The following NR5A2 variants were observed in gnomAD, a reference collection of about 807,000 sequenced individuals.
NR5A2 encodes the protein CYP7A promoter-binding factor.
In NR5A2, 26 loss-of-function variants were observed where a neutral mutation model predicts 62.7. That is an observed-to-expected ratio of 0.41 (90% CI 0.30 to 0.58). The LOEUF is 0.58. Among genes scored for constraint, NR5A2 ranks in the 20% least tolerant of loss-of-function variants. The pLI is 0.22. For synonymous variants in NR5A2, 246 were observed against 241.7 expected (o/e 1.02, Z -0.16); for missense variants, 541 against 669.1 (o/e 0.81, Z 2.11).
chr1:200,073,556 G>A (rs1663853534), intron 5 of NR5A2, among the ~76,000 whole-genome samples: 2 of 151,346 alleles, frequency 1.3e-5, no homozygotes, highest in Admixed American at 1.3e-4. Flanking sequence ...TATTGTTTAG[G>A]GAATAATGAC....
intron 5 of NR5A2, among the ~76,000 whole-genome samples, chr1:200,085,506 A>G (rs922987353): frequency 3.9e-5 from 6 of 152,142 alleles, no homozygotes; most frequent in African/African-American, 1.4e-4. Flanking sequence ...CTCAGCATGT[A>G]ACTTCACTGT....
intron 6 of NR5A2, among the ~76,000 whole-genome samples, chr1:200,111,576 C>G (rs923514421): frequency 6.6e-6 from 1 of 152,118 alleles, no homozygotes; most frequent in East Asian, 1.9e-4. Flanking sequence ...TACAAGGGTC[C>G]GAAGAACTGG....
rs1414697530 is a variant in NR5A2, at chr1:200,091,885, G to A, written c.1111-19317G>A. ...CTGATGTGCACATGTGGAGTGGGGA[G>A]CATTGGTTTGCTAGAATTTTCTAGA... is the stretch of plus-strand genomic sequence containing the variant. On this transcript the variant is annotated intron_variant, in intron 5 of 7. Transcript: ENST00000367362. Among the ~76,000 whole-genome samples, 10 of 152,298 alleles carry A rather than the reference G, an allele frequency of 6.6e-5. No homozygotes were observed. In the East Asian group the frequency reaches 1.7e-3, roughly 26 times the overall value.
chr1:200,041,704 G>A (rs1022976468), intron 2 of NR5A2, among the ~76,000 whole-genome samples: 5 of 152,162 alleles, frequency 3.3e-5, no homozygotes, highest in Admixed American at 6.5e-5. Flanking sequence ...CGCCTACTTC[G>A]GCTGCACCAG....
intron 5 of NR5A2, among the ~76,000 whole-genome samples, chr1:200,092,291 T>C (rs1354901961): frequency 6.6e-6 from 1 of 152,208 alleles, no homozygotes; most frequent in Non-Finnish European, 1.5e-5. Context: ...AAGACCTCCT[T>C]CCCTGTATAA....
chr1:200,141,864 T>A (rs1350853934), intron 7 of NR5A2, among the ~76,000 whole-genome samples: 1 of 152,202 alleles, frequency 6.6e-6, no homozygotes, highest in Non-Finnish European at 1.5e-5. Context: ...TGATAATTTT[T>A]AAGGTTTTTC....
At chr1:200,058,726 G>C (rs1663044214) in intron 5 of NR5A2, among the ~76,000 whole-genome samples, 1 of 147,476 alleles carries the variant, frequency 6.8e-6, no homozygotes, top group South Asian at 2.1e-4. Context: ...TGATCCACCT[G>C]CCTCGGCCTC....
At chr1:200,164,894 T>A (rs1342180750) in intron 7 of NR5A2, among the ~76,000 whole-genome samples, 1 of 117,562 alleles carries the variant, frequency 8.5e-6, no homozygotes, top group Non-Finnish European at 1.7e-5. Context: ...TTTTTTTTTT[T>A]AGACGGAGTC....
intron 7 of NR5A2, among the ~76,000 whole-genome samples, chr1:200,151,251 A>T (rs1321119039): frequency 6.6e-6 from 1 of 152,176 alleles, no homozygotes; most frequent in Non-Finnish European, 1.5e-5. Context: ...ATATTGGGCG[A>T]TTATAGGACT....
At chr1:200,144,231 T>TCACACACA (rs1240239017) in intron 7 of NR5A2, among the ~76,000 whole-genome samples, 5 of 70,806 alleles carry the variant, frequency 7.1e-5, no homozygotes, top group Non-Finnish European at 1.2e-4. Context: ...TCTCTCTCTC[T>TCACACACA]CTCACACACA....
Position 200,039,914 on chromosome 1 carries a change from G to A in NR5A2, c.202+119G>A. ...GGAGTAGCCCCGCTGGGCGCTCGCA[G>A]CCGCGGGAGTCAAGCCCCCTCCCCA... On this transcript the variant is annotated intron_variant, in intron 2 of 7. Coordinates refer to ENST00000367362, the MANE Select transcript of NR5A2 (RefSeq NM_205860.3). The surrounding 1 kb of genome is among the most constrained non-coding windows in gnomAD (Gnocchi z 5.1). 8.6e-7 allele frequency: 1 copy of A among 1,157,372 alleles called. No individual in the cohort carries two copies. The highest frequency in any genetic ancestry group is 1.2e-6 in the Non-Finnish European group (1 of 861,268). The allele number at this position is 1,157,372 out of a possible 1,614,324, so 71.7% of individuals were successfully genotyped here.
chr1:200,045,138 TA>T (rs199877098), intron 3 of NR5A2, among the ~76,000 whole-genome samples: 3,045 of 151,836 alleles, frequency 0.02, 102 homozygotes, highest in African/African-American at 0.068. Flanking sequence ...GAAAATAGAT[TA>T]AAAAAAAATT....
chr1:200,151,000 T>G (rs1019625025), intron 7 of NR5A2, among the ~76,000 whole-genome samples: 3 of 152,168 alleles, frequency 2.0e-5, no homozygotes, highest in African/African-American at 7.2e-5. Flanking sequence ...ATTTGTTTGT[T>G]TTTCCTCCCT....
At chr1:200,055,413 C>G (rs1045363835) in intron 5 of NR5A2, among the ~76,000 whole-genome samples, 12 of 152,120 alleles carry the variant, frequency 7.9e-5, no homozygotes, top group African/African-American at 2.9e-4. Context: ...TCAGGCTGGT[C>G]TCAAACTCCT....
intron 2 of NR5A2, chr1:200,042,759 T>C: frequency 1.0e-6 from 1 of 957,622 alleles, no homozygotes; most frequent in Non-Finnish European, 1.2e-6. Context: ...TGTGTGGATG[T>C]GGAGTCTCCG....
At chr1:200,148,906 CTTTTT>C (rs573219003) in intron 7 of NR5A2, among the ~76,000 whole-genome samples, 1 of 125,296 alleles carries the variant, frequency 8.0e-6, no homozygotes, top group Non-Finnish European at 1.7e-5. Context: ...GCATGCGGTA[CTTTTT>C]TTTTTTTTTT....
chr1:200,048,857 AAG>A lies in NR5A2; in HGVS notation c.1110+45_1110+46del. 1 of 1,600,358 alleles carries A rather than the reference AAG, an allele frequency of 6.2e-7. No individual in the cohort carries two copies. Among genetic ancestry groups the A allele is most frequent in the Non-Finnish European group, 8.5e-7 (1 of 1,169,758 alleles). On this transcript the variant is annotated intron_variant, in intron 5 of 7. Coordinates refer to ENST00000367362, the MANE Select transcript of NR5A2 (RefSeq NM_205860.3). The surrounding 1 kb of genome is among the most constrained non-coding windows in gnomAD (Gnocchi z 4.8). ...TATTACAACTTACAGCACCCCTTTT[AAG>A]AGAGACCTAACTATGTTCCTAATTA... is the stretch of plus-strand genomic sequence containing the variant.
intron 6 of NR5A2, among the ~76,000 whole-genome samples, chr1:200,117,208 A>G (rs1203419034): frequency 6.6e-6 from 1 of 152,226 alleles, no homozygotes; most frequent in African/African-American, 2.4e-5. Flanking sequence ...GACAAGGCCA[A>G]CTGCTCCTGA....
chr1:200,033,156 A>C (rs900705658), intron 1 of NR5A2, among the ~76,000 whole-genome samples: 1 of 152,146 alleles, frequency 6.6e-6, no homozygotes, highest in Admixed American at 6.5e-5. Context: ...TTTCCTGGAA[A>C]GGATCTCTGG....
Sources: gnomAD v4.1 joint callset for allele counts (sites outside exome capture counted in the v4.1 genomes callset) on GRCh38, gnomAD v4.1.1 for gene constraint, Gnocchi (gnomAD v3.1) non-coding constraint, MANE v1.5 for transcripts, NCBI Gene and HGNC (gene_info 2026-07-23, HGNC 2026-07-21) for gene names.